MGAT4C: variants seen among roughly 807,000 people sequenced by gnomAD.
The protein encoded by MGAT4C is alpha-1,3-mannosyl-glycoprotein 4-beta-N-acetylglucosaminyltransferase C.
A neutral mutation model predicts 40.1 loss-of-function variants in MGAT4C; 19 were observed. The ratio of observed to expected loss-of-function variants is 0.47; its 90% confidence interval spans 0.33 to 0.70. The LOEUF (loss-of-function observed/expected upper bound fraction) is 0.70, where lower values mean the gene tolerates loss of function less well. MGAT4C is among the 30% of genes least tolerant of loss of function. The pLI is 0.02. For missense variants in MGAT4C, 491 were observed against 563.2 expected, an observed-to-expected ratio of 0.87 and a Z score of 1.30; for synonymous variants, 181 against 187.1, an observed-to-expected ratio of 0.97 and a Z score of 0.27.
At chr12:86,669,130 T>G (rs1417908101) in intron 2 of MGAT4C, among the ~76,000 whole-genome samples, 2 of 151,998 alleles carry the variant, frequency 1.3e-5, no homozygotes, top group Non-Finnish European at 2.9e-5. Context: ...CAGGTAGATC[T>G]CCAGGCATTC....
chr12:86,212,956 T>A lies in MGAT4C; in HGVS notation c.-57+43283A>T, dbSNP rs146392958. 3.1e-3 allele frequency among the ~76,000 whole-genome samples: 459 copies of A among 149,862 alleles called. 2 individuals carry two copies. The highest frequency in any genetic ancestry group is 0.01 in the African/African-American group (427 of 40,878). On this transcript the variant is annotated intron_variant, in intron 1 of 4. Transcript: ENST00000611864. ...TTAACTGTTAGTGAGATTATTGTTT[T>A]TATAAATGGCAGCCAAAGTTACTTC...
chr12:86,004,125 T>C (rs372251823), intron 2 of MGAT4C, among the ~76,000 whole-genome samples: 2 of 152,188 alleles, frequency 1.3e-5, no homozygotes, highest in South Asian at 4.1e-4. Flanking sequence ...AAAAAATTTG[T>C]TCTTTCACCT....
intron 1 of MGAT4C, among the ~76,000 whole-genome samples, chr12:86,152,599 C>T (rs972307595): frequency 2.0e-5 from 3 of 152,234 alleles, no homozygotes; most frequent in African/African-American, 7.2e-5. Flanking sequence ...CATGTCCTCA[C>T]ATGGATTTCT....
intron 1 of MGAT4C, among the ~76,000 whole-genome samples, chr12:86,247,669 G>A (rs1274757692): frequency 1.3e-5 from 2 of 152,144 alleles, no homozygotes; most frequent in Admixed American, 6.5e-5. Context: ...AAGGTTCAGA[G>A]GAACCTGCTA....
intron 4 of MGAT4C, among the ~76,000 whole-genome samples, chr12:85,982,649 T>C (rs557993605): frequency 6.6e-6 from 1 of 152,332 alleles, no homozygotes; most frequent in African/African-American, 2.4e-5. Flanking sequence ...ATATAGTATG[T>C]TACTTCTTGG....
At chr12:86,345,261 TTTTTATTTTA>T (rs201452731) in intron 3 of MGAT4C, among the ~76,000 whole-genome samples, 1 of 151,752 alleles carries the variant, frequency 6.6e-6, no homozygotes, top group African/African-American at 2.4e-5. Flanking sequence ...TATTTATTTA[TTTTTATTTTA>T]TTTTATTTTT....
At chr12:86,793,257 G>A (rs1333165219) in intron 1 of MGAT4C, among the ~76,000 whole-genome samples, 1 of 152,002 alleles carries the variant, frequency 6.6e-6, no homozygotes, top group Non-Finnish European at 1.5e-5. Flanking sequence ...TTTGTTCACA[G>A]GAGGGCATCA....
chr12:86,368,359 T>C (rs1217835216), intron 3 of MGAT4C, among the ~76,000 whole-genome samples: 9 of 152,144 alleles, frequency 5.9e-5, no homozygotes, highest in Admixed American at 5.2e-4. Context: ...GTTTCAGTAA[T>C]TTTTTTCTAT....
intron 1 of MGAT4C, among the ~76,000 whole-genome samples, chr12:86,127,425 T>C (rs1423796352): frequency 6.6e-6 from 1 of 152,158 alleles, no homozygotes; most frequent in Admixed American, 6.5e-5. Flanking sequence ...GACTAGTGAG[T>C]AAATGTGAAG....
At chr12:86,104,445 AAAAC>A (rs1001178265) in intron 1 of MGAT4C, among the ~76,000 whole-genome samples, 113 of 152,204 alleles carry the variant, frequency 7.4e-4, no homozygotes, top group African/African-American at 1.9e-3. Flanking sequence ...GTCTCAAGAA[AAAAC>A]AAACAAATAA....
chr12:86,304,526 GC>G (rs1361958626), intron 4 of MGAT4C, among the ~76,000 whole-genome samples: 1 of 150,558 alleles, frequency 6.6e-6, no homozygotes, highest in East Asian at 1.9e-4. Context: ...AAATGACCAA[GC>G]TTTTAATCAT....
intron 1 of MGAT4C, among the ~76,000 whole-genome samples, chr12:86,825,306 T>TA: frequency 6.6e-6 from 1 of 151,432 alleles, no homozygotes. Flanking sequence ...AAGATAATTT[T>TA]AAAAAAGAAA....
At chr12:86,821,272 C>A (rs1423726057) in intron 1 of MGAT4C, among the ~76,000 whole-genome samples, 5 of 150,438 alleles carry the variant, frequency 3.3e-5, no homozygotes, top group African/African-American at 1.2e-4. Flanking sequence ...TGTCCAGGTA[C>A]TTTATAAATG....
rs1382063250 is a variant in MGAT4C at position 85,970,792 on chromosome 12, A to C, written c.*8497T>G. The C allele has an allele frequency of 2.0e-5, 3 of 151,418 alleles. No homozygotes were observed. In the East Asian group the frequency reaches 5.8e-4, roughly 29 times the overall value. The allele number at this position is 151,418 out of a possible 1,614,324, so 9.4% of individuals were successfully genotyped here. On this transcript the variant is annotated 3_prime_UTR_variant, in exon 5 of 5. Coordinates refer to ENST00000611864, the MANE Select transcript of MGAT4C (RefSeq NM_001351288.2). ...TTAAAGTTTATACAGCAAGATAATA[A>C]ATTCACTAATGTGAAATGTTGATAT... is the stretch of plus-strand genomic sequence containing the variant.
At chr12:86,764,237 A>T (rs2136156658) in intron 1 of MGAT4C, among the ~76,000 whole-genome samples, 1 of 152,270 alleles carries the variant, frequency 6.6e-6, no homozygotes, top group South Asian at 2.1e-4. Context: ...GGAGGGTCCT[A>T]TGCCCACGGA....
Position 86,269,013 on chromosome 12 carries a change from CATATATATATATATATATATAT to C in MGAT4C, c.-57+65030_-57+65051del, listed in dbSNP as rs60328579. 1.5e-3 allele frequency among the ~76,000 whole-genome samples: 110 copies of C among 74,698 alleles called. 4 individuals carry two copies. Among genetic ancestry groups the C allele is most frequent in the Non-Finnish European group, 2.0e-3 (80 of 39,104 alleles). The allele number at this position is 74,698 out of a possible 152,430, so 49.0% of individuals were successfully genotyped here. A position where few individuals can be genotyped will look rare whatever the true frequency, so the allele number is the denominator to read the frequency against. On this transcript the variant is annotated intron_variant, in intron 4 of 7. Transcript: ENST00000548651. ...TTTTGTATATATTCTTTCATACTTA[CATATATATATATATATATATAT>C]ATATATATATATATATATATATATA...
At chr12:86,600,979 G>A (rs915184047) in intron 2 of MGAT4C, among the ~76,000 whole-genome samples, 5 of 152,252 alleles carry the variant, frequency 3.3e-5, no homozygotes, top group Admixed American at 1.3e-4. Context: ...GCGCTGTAGC[G>A]ACCCAGCCAG....
At chr12:86,632,679 T>TAA (rs1162135962) in intron 2 of MGAT4C, among the ~76,000 whole-genome samples, 3 of 151,454 alleles carry the variant, frequency 2.0e-5, no homozygotes, top group Non-Finnish European at 4.4e-5. Flanking sequence ...ACACTGCAGT[T>TAA]TCTCGCTCAT....
chr12:86,251,372 T>C (rs995706193), intron 1 of MGAT4C, among the ~76,000 whole-genome samples: 6 of 151,964 alleles, frequency 3.9e-5, no homozygotes, highest in Admixed American at 1.3e-4. Flanking sequence ...CCATAAAGTT[T>C]TTGGTTTTAA....
Sources: allele counts gnomAD v4.1 joint callset (sites outside exome capture counted in the v4.1 genomes callset), GRCh38; gene constraint gnomAD v4.1.1; transcripts MANE v1.5; gene names NCBI Gene and HGNC (gene_info 2026-07-23, HGNC 2026-07-21).